LSAMP: variants seen among roughly 807,000 people sequenced by gnomAD.
LSAMP encodes limbic system associated membrane protein.
In LSAMP, 7 loss-of-function variants were observed where a neutral mutation model predicts 38.6. The observed-to-expected ratio is 0.18, with a 90% CI of 0.10 to 0.34. LSAMP has a LOEUF of 0.34. Ranked by LOEUF, LSAMP falls within the 10% of genes least tolerant of loss-of-function variation. The probability of loss-of-function intolerance (pLI) is 1.00; values close to 1 mark genes in which losing one functional copy is unlikely to be tolerated. For synonymous variants in LSAMP, 154 were observed against 166.8 expected, an observed-to-expected ratio of 0.92 and a Z score of 0.59; for missense variants, 313 against 420.0, an observed-to-expected ratio of 0.75 and a Z score of 2.23.
chr3:115,828,288 G>C (rs1340235345), intron 6 of LSAMP, among the ~76,000 whole-genome samples: 1 of 152,140 alleles, frequency 6.6e-6, no homozygotes, highest in East Asian at 1.9e-4. Context: ...TTTGTCAGGG[G>C]CTGGTACTAT....
At chr3:115,816,296 A>G (rs1934015206) in intron 6 of LSAMP, among the ~76,000 whole-genome samples, 1 of 152,186 alleles carries the variant, frequency 6.6e-6, no homozygotes, top group Non-Finnish European at 1.5e-5. Context: ...AGCATTTCCA[A>G]AATTGCAGCT....
chr3:116,009,957 C>T (rs1940277764), intron 3 of LSAMP, among the ~76,000 whole-genome samples: 1 of 152,134 alleles, frequency 6.6e-6, no homozygotes, highest in African/African-American at 2.4e-5. Context: ...CACTCTGCCA[C>T]CCAGGCTGGA....
At chr3:116,394,421 G>A (rs2048742401) in intron 1 of LSAMP, among the ~76,000 whole-genome samples, 2 of 152,106 alleles carry the variant, frequency 1.3e-5, no homozygotes, top group Admixed American at 6.6e-5. Context: ...CCTGACCGAG[G>A]CCAATGAAGA....
At chr3:116,144,869 C>T (rs984307608) in intron 1 of LSAMP, among the ~76,000 whole-genome samples, 1 of 151,822 alleles carries the variant, frequency 6.6e-6, no homozygotes, top group African/African-American at 2.4e-5. Context: ...CACATACAAA[C>T]ACATAGGCTC....
intron 1 of LSAMP, among the ~76,000 whole-genome samples, chr3:116,257,476 T>C (rs941617927): frequency 6.6e-6 from 1 of 152,194 alleles, no homozygotes; most frequent in South Asian, 2.1e-4. Context: ...TTGTAAGAAG[T>C]ATTCAAGGAA....
At chr3:116,344,511 C>T (rs1006198400) in intron 1 of LSAMP, among the ~76,000 whole-genome samples, 4 of 152,050 alleles carry the variant, frequency 2.6e-5, no homozygotes, top group African/African-American at 4.8e-5. Flanking sequence ...CATAACCCTA[C>T]CTTCACCATA....
chr3:116,199,533 G>T (rs1013654497), intron 1 of LSAMP, among the ~76,000 whole-genome samples: 1 of 152,196 alleles, frequency 6.6e-6, no homozygotes, highest in African/African-American at 2.4e-5. Flanking sequence ...GCACAGAGTA[G>T]AAGTGTAAGC....
At chr3:116,185,030 C>CTTTCTTTTTT (rs766737829) in intron 1 of LSAMP, among the ~76,000 whole-genome samples, 2 of 117,766 alleles carry the variant, frequency 1.7e-5, no homozygotes, top group African/African-American at 3.2e-5. Context: ...TTCTTTCTTT[C>CTTTCTTTTTT]TTTTTTTTTT....
At chr3:116,246,749 G>C (rs1276239244) in intron 1 of LSAMP, among the ~76,000 whole-genome samples, 1 of 152,182 alleles carries the variant, frequency 6.6e-6, no homozygotes, top group Non-Finnish European at 1.5e-5. Flanking sequence ...CAGGGTGAGG[G>C]AAGGGAGAAG....
chr3:115,994,667 G>A (rs1939765997), intron 3 of LSAMP, among the ~76,000 whole-genome samples: 1 of 152,040 alleles, frequency 6.6e-6, no homozygotes, highest in African/African-American at 2.4e-5. Flanking sequence ...AAGAAACAAT[G>A]TTAATGTAGA....
chr3:116,034,815 G>A (rs774637135), intron 2 of LSAMP, among the ~76,000 whole-genome samples: 1 of 152,144 alleles, frequency 6.6e-6, no homozygotes, highest in Non-Finnish European at 1.5e-5. Flanking sequence ...CTCTTTCCAT[G>A]TTATGAAAAT....
At chr3:116,416,139 G>A (rs1477443376) in intron 1 of LSAMP, among the ~76,000 whole-genome samples, 1 of 152,124 alleles carries the variant, frequency 6.6e-6, no homozygotes, top group Non-Finnish European at 1.5e-5. Context: ...ATGGTTCCGG[G>A]CCATTTGCCT....
chr3:116,372,080 ATT>A (rs2048437043), intron 1 of LSAMP, among the ~76,000 whole-genome samples: 1 of 152,044 alleles, frequency 6.6e-6, no homozygotes, highest in Non-Finnish European at 1.5e-5. Flanking sequence ...AGACAACACT[ATT>A]AAGATATCAA....
At chr3:116,134,388 G>T (rs980578986) in intron 1 of LSAMP, among the ~76,000 whole-genome samples, 2 of 152,078 alleles carry the variant, frequency 1.3e-5, no homozygotes. Context: ...AAATCAGACT[G>T]TGTGATCCCT....
intron 1 of LSAMP, among the ~76,000 whole-genome samples, chr3:116,308,948 T>G (rs2047520925): frequency 6.6e-6 from 1 of 152,136 alleles, no homozygotes; most frequent in Non-Finnish European, 1.5e-5. Flanking sequence ...TTTACAAATT[T>G]ACAGTAGCCT....
intron 1 of LSAMP, among the ~76,000 whole-genome samples, chr3:116,176,568 G>C (rs913689097): frequency 4.6e-5 from 7 of 152,092 alleles, no homozygotes; most frequent in Admixed American, 4.6e-4. Flanking sequence ...GTTAGTGTCA[G>C]GAATGATGGG....
chr3:115,990,704 C>T (rs1939641898), intron 3 of LSAMP, among the ~76,000 whole-genome samples: 1 of 151,986 alleles, frequency 6.6e-6, no homozygotes, highest in Non-Finnish European at 1.5e-5. Context: ...TAAAACTCAC[C>T]ATTTTCCTAT....
intron 1 of LSAMP, among the ~76,000 whole-genome samples, chr3:116,296,694 CAAAAAAAAAAAAAAA>C (rs10659032): frequency 5.0e-5 from 3 of 59,698 alleles, no homozygotes; most frequent in Non-Finnish European, 8.6e-5. Flanking sequence ...GACTCTGTCT[CAAAAAAAAAAAAAAA>C]AAAAAAAAAA....
In LSAMP at chr3:115,806,678, G is replaced by A. The variant is rs1040179938; in HGVS notation, c.*3639C>T. 2.0e-5 allele frequency: 3 copies of A among 152,228 alleles called. No homozygotes were observed. Among genetic ancestry groups the A allele is most frequent in the African/African-American group, 7.2e-5 (3 of 41,458 alleles). The allele number at this position is 152,228 out of a possible 1,614,324, so 9.4% of individuals were successfully genotyped here. A position where few individuals can be genotyped will look rare whatever the true frequency, so the allele number is the denominator to read the frequency against. On this transcript the variant is annotated 3_prime_UTR_variant, in exon 7 of 7. Coordinates refer to ENST00000490035, the MANE Select transcript of LSAMP (RefSeq NM_002338.5). ...TAGTAAAAAAATGCCCATGGCAAGC[G>A]AGAAGTCTGTCTGACTTGGAAGAGA...
Sources: allele counts gnomAD v4.1 joint callset (sites outside exome capture counted in the v4.1 genomes callset), GRCh38; gene constraint gnomAD v4.1.1; transcripts MANE v1.5; gene names NCBI Gene and HGNC (gene_info 2026-07-23, HGNC 2026-07-21).